FCN3: variants seen among roughly 807,000 people sequenced by gnomAD.
The protein encoded by FCN3 is ficolin-3.
A neutral mutation model predicts 31.5 loss-of-function variants in FCN3; 28 were observed. The observed-to-expected ratio is 0.89, with a 90% CI of 0.66 to 1.22. FCN3 has a LOEUF of 1.22. Among genes scored for constraint, FCN3 ranks in the 50% most tolerant of loss-of-function variants. The pLI is 0.00. For synonymous variants in FCN3, 124 were observed against 147.4 expected, an observed-to-expected ratio of 0.84 and a Z score of 1.15; for missense variants, 351 against 386.8, an observed-to-expected ratio of 0.91 and a Z score of 0.78.
intron 5 of FCN3, among the ~76,000 whole-genome samples, chr1:27,372,081 C>T (rs974566296): frequency 6.6e-6 from 1 of 151,962 alleles, no homozygotes; most frequent in African/African-American, 2.4e-5. Context: ...TCTTTACTGC[C>T]TGGCTCCTTG....
Position 27,373,153 on chromosome 1 carries a change from C to T in FCN3, c.376G>A (p.Glu126Lys), listed in dbSNP as rs138831719. 661 of 1,613,946 alleles carry T rather than the reference C, an allele frequency of 4.1e-4. 2 individuals are homozygous for T. Among genetic ancestry groups the T allele is most frequent in the East Asian group, 7.6e-4 (34 of 44,876 alleles). Reference sequence around the variant, plus strand: ...ACACTCACCAGCCAGCCGCCCCCCTCGGTGTCCATGTCACAAAAGACTGGG... The same window carrying T: ...ACACTCACCAGCCAGCCGCCCCCCTTGGTGTCCATGTCACAAAAGACTGGG... ...ALPVFCDMDT[E>K]GGGWLVFQRR... Residue 126 changes from glutamate (E) to lysine (K), a missense_variant, in exon 5 of 8, where the codon GAG (glutamate) becomes AAG (lysine). By Grantham distance (56) the Glu-to-Lys change is moderately conservative. Coordinates refer to ENST00000270879, the MANE Select transcript of FCN3 (RefSeq NM_003665.4).
intron 4 of FCN3, 109 bp from the exon 5 acceptor site, chr1:27,373,372 T>C (rs1432757399): frequency 2.5e-6 from 4 of 1,590,384 alleles, no homozygotes; most frequent in East Asian, 2.3e-5. Context: ...CTCCTTCAGG[T>C]CCCTGAAGAA....
At chr1:27,374,187 A>G in intron 2 of FCN3, 169 bp downstream of exon 2, 1 of 719,140 alleles carries the variant, frequency 1.4e-6, no homozygotes, top group Non-Finnish European at 2.3e-6. Flanking sequence ...AATGGGGATG[A>G]AACCACTTAC....
Position 27,373,224 on chromosome 1 carries a change from G to T in FCN3, c.305C>A (p.Thr102Asn), listed in dbSNP as rs1293387615. Reference protein sequence around the residue: ...NCRELLSQGATLSGWYHLCLP... With the variant: ...NCRELLSQGANLSGWYHLCLP... ...GCACAGATGGTACCAGCCGCTCAAG[G>T]TGGCGCCCTGGCTCAACAGCTCCCG... Residue 102 changes from threonine (T) to asparagine (N), a missense_variant, in exon 5 of 8, where the codon ACC becomes AAC. By Grantham distance (65) the Thr-to-Asn change is moderately conservative. Coordinates refer to ENST00000270879, the MANE Select transcript of FCN3 (RefSeq NM_003665.4). The T allele has an allele frequency of 2.1e-5, 34 of 1,614,020 alleles. No homozygotes were observed. Among genetic ancestry groups the T allele is most frequent in the Non-Finnish European group, 2.9e-5 (34 of 1,180,016 alleles).
chr1:27,369,546 C>A (rs898072673), intron 7 of FCN3, 69 bp from the exon 8 acceptor site: 36 of 1,439,874 alleles, frequency 2.5e-5, no homozygotes, highest in Non-Finnish European at 2.5e-5. Context: ...AGATATAATG[C>A]CATGGGAGTC....
In FCN3 at chr1:27,369,182, CTGA is replaced by C; in HGVS notation, c.*51_*53del. The stretch of plus-strand genomic sequence containing the variant: ...GAGGTGGTTGGCAAAGGCAAGGTGG[CTGA>C]CGATCCGGAAGCTGTACAGGAGAGA... On this transcript the variant is annotated 3_prime_UTR_variant, in exon 8 of 8. Transcript: ENST00000270879. 1 of 1,595,166 alleles carries C rather than the reference CTGA, an allele frequency of 6.3e-7. No individual in the cohort carries two copies. The highest frequency in any genetic ancestry group is 8.6e-7 in the Non-Finnish European group (1 of 1,165,182).
At chr1:27,374,655 T>G (rs759565869) in intron 1 of FCN3, 73 bp downstream of exon 1, 28 of 937,748 alleles carry the variant, frequency 3.0e-5, no homozygotes, top group Non-Finnish European at 4.0e-5. Flanking sequence ...TTGAGGTTGA[T>G]GAGCCTTGGT....
intron 7 of FCN3, 128 bp downstream of exon 7, chr1:27,370,468 G>T (rs1329319278): frequency 5.1e-6 from 4 of 784,186 alleles, no homozygotes; most frequent in Non-Finnish European, 8.3e-6. Context: ...TTTCATGATT[G>T]CCATTTCTCA....
chr1:27,374,565 T>C, intron 1 of FCN3, 114 bp from the exon 2 acceptor site: 2 of 823,712 alleles, frequency 2.4e-6, no homozygotes, highest in Non-Finnish European at 3.9e-6. Context: ...TCTCCTGAGC[T>C]GGCAAGGTTT....
intron 5 of FCN3, among the ~76,000 whole-genome samples, chr1:27,372,773 A>ATT (rs71010351): frequency 0.08 from 7,654 of 96,178 alleles, 787 homozygotes; most frequent in Admixed American, 0.26. Flanking sequence ...TCCCTACCCT[A>ATT]TTTTTTTTTT....
rs567295964 is a variant in FCN3 at position 27,373,829 on chromosome 1, T to A, written c.232+136A>T. The A allele has an allele frequency of 1.8e-4, 149 of 810,946 alleles. No homozygotes were observed. In the African/African-American group the frequency reaches 2.2e-3, roughly 12 times the overall value. The allele number at this position is 810,946 out of a possible 1,614,324, so 50.2% of individuals were successfully genotyped here. A position where few individuals can be genotyped will look rare whatever the true frequency, so the allele number is the denominator to read the frequency against. On this transcript the variant is annotated intron_variant, in intron 3 of 7. Transcript: ENST00000270879. ...TAGGGTAGCCAGGCCCTTCTCCTAA[T>A]CCTTCCCACTCCTCCCAGCCATCCA...
At chr1:27,369,714 C>A (rs553340869) in intron 7 of FCN3, among the ~76,000 whole-genome samples, 1 of 152,030 alleles carries the variant, frequency 6.6e-6, no homozygotes, top group South Asian at 2.1e-4. Flanking sequence ...TGTCTTACCC[C>A]CTCCAGAATC....
intron 5 of FCN3, 38 bp from the exon 6 acceptor site, chr1:27,371,010 T>G (rs750094364): frequency 3.7e-6 from 6 of 1,600,212 alleles, no homozygotes; most frequent in Non-Finnish European, 5.1e-6. Context: ...TACTCCAGGC[T>G]GGGCACTGGC....
chr1:27,372,128 C>T (rs1364994421), intron 5 of FCN3, among the ~76,000 whole-genome samples: 1 of 152,140 alleles, frequency 6.6e-6, no homozygotes, highest in African/African-American at 2.4e-5. Context: ...TCCACTGGTC[C>T]CCCAATGCAG....
At position 27,370,719 on chromosome 1, in the gene FCN3, G is replaced by C; in HGVS notation, c.535C>G (p.Leu179Val). 6.2e-7 allele frequency: 1 copy of C among 1,614,166 alleles called. No individual in the cohort carries two copies. Among genetic ancestry groups the C allele is most frequent in the African/African-American group, 1.3e-5 (1 of 75,058 alleles). ...HQLTLQGNWE[L>V]RVELEDFNGN... ...TTAAAGTCTTCCAGCTCTACCCGCA[G>C]CTCCCAGTTACCTGGAAAGAAGGGG... Residue 179 changes from leucine (L) to valine (V), a missense_variant, in exon 7 of 8, where the codon CTG becomes GTG. Leu to Val is a conservative substitution (Grantham distance 32). Coordinates refer to ENST00000270879, the MANE Select transcript of FCN3 (RefSeq NM_003665.4).
At chr1:27,370,759 G>A (rs2016129586) in intron 6 of FCN3, 29 bp from the exon 7 acceptor site, 1 of 1,613,172 alleles carries the variant, frequency 6.2e-7, no homozygotes, top group African/African-American at 1.3e-5. Context: ...AGGGATGGAG[G>A]AATCCTCAGT....
chr1:27,374,548 A>C, intron 1 of FCN3, 97 bp from the exon 2 acceptor site: 1 of 893,584 alleles, frequency 1.1e-6, no homozygotes, highest in Non-Finnish European at 1.8e-6. Context: ...CACTGTCAGG[A>C]TGCTTGTCTC....
chr1:27,370,976 G>A lies in FCN3; in HGVS notation c.394-4C>T, dbSNP rs1199094997. 4 of 1,611,564 alleles carry A rather than the reference G, an allele frequency of 2.5e-6. No homozygotes were observed. Among genetic ancestry groups the A allele is most frequent in the Non-Finnish European group, 3.4e-6 (4 of 1,179,408 alleles). ...CATCCTGGCGCCTCTGAAACACCTG[G>A]GGGAGGGGGGGCACAGCAGCTATTA... On this transcript the variant is annotated splice_region_variant and splice_polypyrimidine_tract_variant and intron_variant, in intron 5 of 7. Transcript: ENST00000270879.
At chr1:27,372,394 C>T (rs1343115971) in intron 5 of FCN3, among the ~76,000 whole-genome samples, 2 of 151,804 alleles carry the variant, frequency 1.3e-5, no homozygotes, top group Non-Finnish European at 2.9e-5. Context: ...ATTACAGGCG[C>T]CCACCATCAC....
Sources: gnomAD v4.1 joint callset for allele counts (sites outside exome capture counted in the v4.1 genomes callset) on GRCh38, gnomAD v4.1.1 for gene constraint, MANE v1.5 for transcripts, NCBI Gene and HGNC (gene_info 2026-07-23, HGNC 2026-07-21) for gene names.